Variants in ADAM28 observed in about 807,000 individuals in gnomAD.
ADAM28 encodes disintegrin and metalloproteinase domain-containing protein 28.
Under a neutral mutation model 101.2 loss-of-function variants are expected in ADAM28, and 105 were observed. That is an observed-to-expected ratio of 1.04 (90% CI 0.89 to 1.22). The LOEUF is 1.22. ADAM28 is among the 50% of genes most tolerant of loss of function. The pLI is 0.00. For synonymous variants in ADAM28, 322 were observed against 310.6 expected (o/e 1.04, Z -0.39); for missense variants, 1,028 against 945.4 (o/e 1.09, Z -1.15).
intron 5 of ADAM28, among the ~76,000 whole-genome samples, chr8:24,311,905 G>T (rs975439083): frequency 3.3e-5 from 5 of 151,924 alleles, no homozygotes; most frequent in African/African-American, 1.2e-4. Flanking sequence ...CACCTGGCTA[G>T]GTTTTGTATT....
chr8:24,326,021 A>G (rs960824884), intron 9 of ADAM28, among the ~76,000 whole-genome samples: 30 of 151,724 alleles, frequency 2.0e-4, no homozygotes, highest in Middle Eastern at 3.2e-3. Context: ...CTATGGAAGT[A>G]TAAGTGCAAA....
chr8:24,317,275 G>A (rs1368363411), intron 6 of ADAM28, among the ~76,000 whole-genome samples: 1 of 151,894 alleles, frequency 6.6e-6, no homozygotes, highest in African/African-American at 2.4e-5. Flanking sequence ...CATACTACCT[G>A]ATTTAAAGTT....
intron 13 of ADAM28, 103 bp from the exon 14 acceptor site, chr8:24,335,343 C>CG: frequency 6.9e-7 from 1 of 1,442,772 alleles, no homozygotes; most frequent in African/African-American, 1.4e-5. Flanking sequence ...CCTCCAACTA[C>CG]TATGCCCAAA....
At position 24,313,490 on chromosome 8, in the gene ADAM28, A is replaced by G; in HGVS notation, c.486A>G (p.Glu162=). 1.2e-6 allele frequency: 2 copies of G among 1,613,916 alleles called. No homozygotes were observed. The highest frequency in any genetic ancestry group is 1.7e-6 in the Non-Finnish European group (2 of 1,179,850). The stretch of plus-strand genomic sequence containing the variant: ...CACTCTTCAAGTATAACCCTGATGA[A>G]AAGAATTATGACAGCACCTGTGGGA... ...EHALFKYNPD[E]KNYDSTCGMD... The change falls in exon 6 of 23, where the codon GAA becomes GAG. Residue 162 remains glutamate, a synonymous_variant. Transcript: ENST00000265769.
At chr8:24,354,295 A>G (rs1289464826) in intron 22 of ADAM28, 89 bp from the exon 23 acceptor site, 1 of 1,165,922 alleles carries the variant, frequency 8.6e-7, no homozygotes, top group Non-Finnish European at 1.2e-6. Context: ...ACTTCAGATA[A>G]TTTTAATTTC....
intron 21 of ADAM28, among the ~76,000 whole-genome samples, chr8:24,352,716 G>A (rs1816308330): frequency 6.6e-6 from 1 of 152,254 alleles, no homozygotes; most frequent in Middle Eastern, 3.4e-3. Flanking sequence ...ACAACTAAAT[G>A]AAAGCAATCA....
intron 1 of ADAM28, among the ~76,000 whole-genome samples, chr8:24,299,462 GTTTTT>G (rs11301280): frequency 6.6e-6 from 1 of 152,000 alleles, no homozygotes; most frequent in Non-Finnish European, 1.5e-5. Flanking sequence ...CTGTGACATA[GTTTTT>G]TTTTATTAGT....
intron 6 of ADAM28, 91 bp from the exon 7 acceptor site, chr8:24,320,145 C>G: frequency 1.1e-6 from 1 of 927,516 alleles, no homozygotes; most frequent in Non-Finnish European, 1.7e-6. Context: ...CAGATATCAA[C>G]CAACTGCTTA....
At chr8:24,341,812 T>C in intron 16 of ADAM28, 55 bp downstream of exon 16, 4 of 1,609,262 alleles carry the variant, frequency 2.5e-6, no homozygotes, top group Non-Finnish European at 3.4e-6. Flanking sequence ...TTGGTGTGCT[T>C]TGTTGTTTTG....
At chr8:24,303,618 A>G (rs536682094) in intron 2 of ADAM28, among the ~76,000 whole-genome samples, 1 of 152,282 alleles carries the variant, frequency 6.6e-6, no homozygotes, top group South Asian at 2.1e-4. Flanking sequence ...TGTCTTGGCT[A>G]TACAGGCTCT....
intron 18 of ADAM28, among the ~76,000 whole-genome samples, chr8:24,345,816 G>C (rs7836162): frequency 6.6e-6 from 1 of 151,830 alleles, no homozygotes; most frequent in Non-Finnish European, 1.5e-5. Flanking sequence ...ACAACTTTAC[G>C]GTATATTACA....
intron 11 of ADAM28, 133 bp from the exon 12 acceptor site, chr8:24,331,017 T>G: frequency 2.5e-6 from 2 of 804,854 alleles, no homozygotes; most frequent in South Asian, 4.8e-5. Context: ...GAGCTCACGA[T>G]CTGGCAGTTG....
At chr8:24,342,980 C>A in intron 16 of ADAM28, 121 bp from the exon 17 acceptor site, 1 of 1,494,306 alleles carries the variant, frequency 6.7e-7, no homozygotes, top group Non-Finnish European at 8.9e-7. Flanking sequence ...TTCCCTTCTT[C>A]TACATCAGCC....
intron 12 of ADAM28, 114 bp downstream of exon 12, chr8:24,331,441 G>A (rs1000112655): frequency 2.9e-6 from 3 of 1,048,964 alleles, no homozygotes; most frequent in Non-Finnish European, 3.9e-6. Flanking sequence ...GGTAATTTTG[G>A]GTACGCCCAT....
chr8:24,351,858 C>A, intron 20 of ADAM28, 129 bp from the exon 21 acceptor site: 1 of 774,080 alleles, frequency 1.3e-6, no homozygotes, highest in Non-Finnish European at 2.1e-6. Context: ...CTGTGATTTT[C>A]TATCTGGTCT....
intron 9 of ADAM28, among the ~76,000 whole-genome samples, chr8:24,324,690 T>C (rs2129292912): frequency 6.6e-6 from 1 of 152,090 alleles, no homozygotes; most frequent in Middle Eastern, 3.4e-3. Context: ...TTTCTGGGCT[T>C]GAAATAAGGC....
intron 20 of ADAM28, 87 bp from the exon 21 acceptor site, chr8:24,351,900 C>T (rs1816201886): frequency 1.5e-6 from 2 of 1,345,598 alleles, no homozygotes; most frequent in Non-Finnish European, 2.1e-6. Flanking sequence ...AGCTTCCATG[C>T]CTTGAAAAGT....
rs1349290711 is a variant in ADAM28, at chr8:24,326,542, C to A, written c.891-12C>A. 1 of 1,609,300 alleles carries A rather than the reference C, an allele frequency of 6.2e-7. No homozygotes were observed. The highest frequency in any genetic ancestry group is 8.5e-7 in the Non-Finnish European group (1 of 1,176,860). On this transcript the variant is annotated splice_polypyrimidine_tract_variant and intron_variant, in intron 9 of 22. Transcript: ENST00000265769. ...TTATAATTTGTTACATCAATTTATT[C>A]CTTTCTTGCAGAGCAACAGAACTTG...
At chr8:24,311,278 C>T (rs1810418133) in intron 4 of ADAM28, 83 bp from the exon 5 acceptor site, 6 of 991,112 alleles carry the variant, frequency 6.1e-6, no homozygotes, top group Non-Finnish European at 9.2e-6. Flanking sequence ...ATTTAAAATC[C>T]TGTTTCAAGA....
Sources: allele counts gnomAD v4.1 joint callset (sites outside exome capture counted in the v4.1 genomes callset), GRCh38; gene constraint gnomAD v4.1.1; transcripts MANE v1.5; gene names NCBI Gene and HGNC (gene_info 2026-07-23, HGNC 2026-07-21).